Variants in KYAT1 observed in about 807,000 individuals in gnomAD.
KYAT1 encodes kynurenine--oxoglutarate transaminase 1.
In KYAT1, 47 loss-of-function variants were observed where a neutral mutation model predicts 52.4. The ratio of observed to expected loss-of-function variants is 0.90; its 90% confidence interval spans 0.71 to 1.14. The LOEUF is 1.14. Among genes scored for constraint, KYAT1 ranks in the 50% most tolerant of loss-of-function variants. The pLI, the probability that KYAT1 is intolerant of heterozygous loss-of-function variation, is 0.00. For synonymous variants in KYAT1, 212 were observed against 209.6 expected, an observed-to-expected ratio of 1.01 and a Z score of -0.10; for missense variants, 480 against 557.9, an observed-to-expected ratio of 0.86 and a Z score of 1.41.
chr9:128,834,832 A>AG (rs1830724899), intron 11 of KYAT1, among the ~76,000 whole-genome samples: 1 of 52,362 alleles, frequency 1.9e-5, no homozygotes, highest in South Asian at 7.3e-4. Flanking sequence ...ACTCTGTCTC[A>AG]AAAAAAAAAA....
Position 128,837,748 on chromosome 9 carries a change from G to A in KYAT1, c.504C>T (p.Ala168=), listed in dbSNP as rs377481464. The A allele has an allele frequency of 2.4e-5, 39 of 1,613,922 alleles. No individual in the cohort carries two copies. In the East Asian group the frequency reaches 2.5e-4, roughly 10 times the overall value. ...CTTTGGTGCGTGATGTGAATTTGCC[G>A]GCCAGCTCCATGGGGTCCAGCTGCC... ...SNWQLDPMEL[A]GKFTSRTKAL... is the part of the protein sequence containing the mutation. The change falls in exon 6 of 13, where the codon GCC becomes GCT. Residue 168 remains alanine, a synonymous_variant. Transcript: ENST00000302586.
chr9:128,858,033 G>A (rs955893724), intron 1 of KYAT1, among the ~76,000 whole-genome samples: 2 of 152,084 alleles, frequency 1.3e-5, no homozygotes, highest in South Asian at 4.2e-4. Context: ...TTAAGAAAAT[G>A]AAAAGACAGC....
At chr9:128,877,226 A>G (rs547594513) in intron 1 of KYAT1, among the ~76,000 whole-genome samples, 9 of 151,968 alleles carry the variant, frequency 5.9e-5, no homozygotes, top group Non-Finnish European at 1.2e-4. Context: ...AATGTTGCCC[A>G]TCTTCACTCA....
intron 1 of KYAT1, among the ~76,000 whole-genome samples, chr9:128,863,473 A>T (rs1835732250): frequency 6.6e-6 from 1 of 151,814 alleles, no homozygotes; most frequent in Non-Finnish European, 1.5e-5. Flanking sequence ...TCTCTACAAA[A>T]AAAAAAACCA....
intron 1 of KYAT1, among the ~76,000 whole-genome samples, chr9:128,868,808 C>T (rs1039695385): frequency 2.7e-5 from 4 of 150,936 alleles, no homozygotes; most frequent in Non-Finnish European, 4.4e-5. Context: ...GGGATTCAAG[C>T]GATTCTCCTG....
intron 1 of KYAT1, among the ~76,000 whole-genome samples, chr9:128,857,453 C>G (rs111248824): frequency 6.6e-6 from 1 of 152,200 alleles, no homozygotes; most frequent in Non-Finnish European, 1.5e-5. Context: ...CAGGCCACCG[C>G]TTCACTCAGC....
At chr9:128,848,184 T>A (rs1389934686) in intron 1 of KYAT1, among the ~76,000 whole-genome samples, 1 of 151,782 alleles carries the variant, frequency 6.6e-6, no homozygotes, top group Non-Finnish European at 1.5e-5. Context: ...CCAGGTGTGA[T>A]GGTGCACACC....
intron 2 of KYAT1, among the ~76,000 whole-genome samples, chr9:128,844,028 C>T (rs1832678465): frequency 6.6e-6 from 1 of 152,170 alleles, no homozygotes; most frequent in Non-Finnish European, 1.5e-5. Flanking sequence ...AAGTTTGATG[C>T]TCTTGACCCT....
intron 1 of KYAT1, among the ~76,000 whole-genome samples, chr9:128,874,922 A>G (rs13294433): frequency 1.3e-5 from 2 of 151,490 alleles, no homozygotes; most frequent in Non-Finnish European, 2.9e-5. Flanking sequence ...ATGGGGTTTC[A>G]CCATGTTGGC....
intron 1 of KYAT1, among the ~76,000 whole-genome samples, chr9:128,855,297 T>C (rs1459034456): frequency 6.6e-6 from 1 of 152,196 alleles, no homozygotes; most frequent in Non-Finnish European, 1.5e-5. Context: ...ACTGAAAGGC[T>C]AGACCAGGTT....
chr9:128,840,310 G>C (rs1390338382), intron 3 of KYAT1, among the ~76,000 whole-genome samples: 3 of 152,068 alleles, frequency 2.0e-5, no homozygotes, highest in African/African-American at 7.2e-5. Flanking sequence ...CCAGGCTGGA[G>C]TGCAATGGCA....
intron 1 of KYAT1, among the ~76,000 whole-genome samples, chr9:128,862,021 G>A: frequency 6.6e-6 from 1 of 152,174 alleles, no homozygotes; most frequent in East Asian, 1.9e-4. Flanking sequence ...TCTGACCACT[G>A]AGTTAAAAAC....
At chr9:128,834,761 G>T (rs1026759836) in intron 11 of KYAT1, among the ~76,000 whole-genome samples, 6 of 150,916 alleles carry the variant, frequency 4.0e-5, no homozygotes, top group Non-Finnish European at 8.8e-5. Context: ...GAACCCTGGA[G>T]GTGGAGGTTG....
chr9:128,858,396 A>T (rs28878313), intron 1 of KYAT1, among the ~76,000 whole-genome samples: 88 of 5,428 alleles, frequency 0.016, 7 homozygotes, highest in Middle Eastern at 0.071. Context: ...GACCATGTAT[A>T]AAAAAAAAAA....
intron 1 of KYAT1, among the ~76,000 whole-genome samples, chr9:128,850,616 T>C (rs1223603396): frequency 6.6e-6 from 1 of 152,304 alleles, no homozygotes; most frequent in Non-Finnish European, 1.5e-5. Context: ...GTCTGAAATA[T>C]GGCCTCGTGG....
intron 2 of KYAT1, among the ~76,000 whole-genome samples, chr9:128,844,762 G>C (rs1832807732): frequency 6.6e-6 from 1 of 152,114 alleles, no homozygotes; most frequent in Non-Finnish European, 1.5e-5. Context: ...CTACTTGGAG[G>C]CTGAAGCAGG....
chr9:128,848,180 G>A (rs1172462036), intron 1 of KYAT1, among the ~76,000 whole-genome samples: 1 of 151,958 alleles, frequency 6.6e-6, no homozygotes, highest in African/African-American at 2.4e-5. Context: ...TTGACCAGGT[G>A]TGATGGTGCA....
chr9:128,842,850 C>T, intron 2 of KYAT1, 49 bp from the exon 3 acceptor site: 1 of 1,578,008 alleles, frequency 6.3e-7, no homozygotes, highest in African/African-American at 1.3e-5. Context: ...CCATGGTGAC[C>T]TGGACTTCGG....
intron 11 of KYAT1, among the ~76,000 whole-genome samples, chr9:128,834,980 CA>C (rs1211169340): frequency 1.3e-5 from 2 of 150,606 alleles, no homozygotes; most frequent in Non-Finnish European, 1.5e-5. Context: ...ACCAAAAATA[CA>C]AAAAAAATTA....
Sources: gnomAD v4.1 joint callset for allele counts (sites outside exome capture counted in the v4.1 genomes callset) on GRCh38, gnomAD v4.1.1 for gene constraint, MANE v1.5 for transcripts, NCBI Gene and HGNC (gene_info 2026-07-23, HGNC 2026-07-21) for gene names.